The following ITPRID1 variants were observed in gnomAD, a reference collection of about 807,000 sequenced individuals.
ITPRID1 encodes ITPR interacting domain containing 1.
Under a neutral mutation model 95.4 loss-of-function variants are expected in ITPRID1, and 96 were observed. The ratio of observed to expected loss-of-function variants is 1.01; its 90% CI spans 0.85 to 1.19. The LOEUF (loss-of-function observed/expected upper bound fraction) is 1.19. ITPRID1 is among the 50% of genes most tolerant of loss of function. The pLI is 0.00. For synonymous variants in ITPRID1, 510 were observed against 453.6 expected, an observed-to-expected ratio of 1.12 and a Z score of -1.58; for missense variants, 1,339 against 1,252.9, an observed-to-expected ratio of 1.07 and a Z score of -1.04.
chr7:31,646,866 T>A (rs1790511594), intron 12 of ITPRID1, among the ~76,000 whole-genome samples: 1 of 152,166 alleles, frequency 6.6e-6, no homozygotes, highest in South Asian at 2.1e-4. Flanking sequence ...CCTCTTAGAA[T>A]TTGCAATTAT....
chr7:31,591,860 T>A (rs1785879518), intron 10 of ITPRID1, among the ~76,000 whole-genome samples: 2 of 152,190 alleles, frequency 1.3e-5, no homozygotes, highest in Non-Finnish European at 2.9e-5. Context: ...ACAAAAATGG[T>A]AGTTACTAAA....
At chr7:31,523,268 G>T (rs1487556296) in intron 1 of ITPRID1, among the ~76,000 whole-genome samples, 4 of 152,178 alleles carry the variant, frequency 2.6e-5, no homozygotes, top group Non-Finnish European at 5.9e-5. Context: ...TTTGATTCCT[G>T]TATACAGGAT....
chr7:31,586,775 T>G (rs1179797802), intron 10 of ITPRID1, among the ~76,000 whole-genome samples: 5 of 151,934 alleles, frequency 3.3e-5, no homozygotes, highest in African/African-American at 9.7e-5. Context: ...GAAAATTTTC[T>G]CCCATTTTGT....
Position 31,642,858 on chromosome 7 carries a change from G to A in ITPRID1, c.1488G>A (p.Arg496=), listed in dbSNP as rs748761961. ...SSQEANALEQ[R]ASVSVMEEEF... is the part of the protein sequence containing the mutation. ...AAGAAGCGAATGCCTTGGAACAAAG[G>A]GCCTCAGTATCTGTGATGGAGGAAG... The change falls in exon 12 of 15, where the codon AGG becomes AGA. Residue 496 remains arginine, a synonymous_variant. Coordinates refer to ENST00000615280, the MANE Select transcript of ITPRID1 (RefSeq NM_001257967.3). 6.2e-7 allele frequency: 1 copy of A among 1,613,994 alleles called. No homozygotes were observed. Among genetic ancestry groups the A allele is most frequent in the Non-Finnish European group, 8.5e-7 (1 of 1,179,888 alleles).
In ITPRID1 at chr7:31,625,142, T is replaced by C. The variant is rs1020219763; in HGVS notation, c.1229-17034T>C. Among the ~76,000 whole-genome samples, 8 of 152,090 alleles carry C rather than the reference T, an allele frequency of 5.3e-5. 1 individual carries two copies. Among genetic ancestry groups the C allele is most frequent in the African/African-American group, 2.4e-5 (1 of 41,416 alleles). ...GAAACAACAGGTGCTGGAGAGGATG[T>C]GGAGAAATAGGAACACTTTTACATT... On this transcript the variant is annotated intron_variant, in intron 10 of 14. Coordinates refer to ENST00000615280, the MANE Select transcript of ITPRID1 (RefSeq NM_001257967.3).
intron 10 of ITPRID1, among the ~76,000 whole-genome samples, chr7:31,590,987 C>T (rs1583542183): frequency 6.6e-6 from 1 of 152,166 alleles, no homozygotes. Context: ...CTGTCTAGCT[C>T]CAGAGTGTAC....
Position 31,643,865 on chromosome 7 carries a change from G to C in ITPRID1, c.2495G>C (p.Cys832Ser). ...PGPEPSVCRH[C>S]LCSLTGHQEA... is the part of the protein sequence containing the mutation. ...CCTGAACCCTCAGTCTGTAGGCACT[G>C]CCTGTGTTCACTAACTGGTCACCAG... The change falls in exon 12 of 15, where the codon TGC becomes TCC. Residue 832 changes from cysteine to serine, a missense_variant. Cys to Ser is a moderately radical substitution (Grantham distance 112, BLOSUM62 -1). Transcript: ENST00000615280. 3.1e-6 allele frequency: 5 copies of C among 1,613,910 alleles called. No homozygotes were observed. The South Asian group carries it at 3.3e-5, about 11-fold the overall frequency.
intron 10 of ITPRID1, among the ~76,000 whole-genome samples, chr7:31,606,872 A>C (rs1360623359): frequency 6.6e-6 from 1 of 152,132 alleles, no homozygotes; most frequent in Non-Finnish European, 1.5e-5. Flanking sequence ...TACTTTTTTC[A>C]AGAGGTAAAT....
At chr7:31,514,583 C>T (rs980983005) in intron 1 of ITPRID1, among the ~76,000 whole-genome samples, 1 of 152,080 alleles carries the variant, frequency 6.6e-6, no homozygotes, top group Non-Finnish European at 1.5e-5. Flanking sequence ...GAGAGTCCAG[C>T]AGGTAAGTAC....
intron 10 of ITPRID1, among the ~76,000 whole-genome samples, chr7:31,623,286 G>T (rs909593259): frequency 4.6e-5 from 7 of 152,068 alleles, no homozygotes; most frequent in African/African-American, 1.2e-4. Context: ...CCAAAGCCGG[G>T]CAGAGACACA....
intron 10 of ITPRID1, among the ~76,000 whole-genome samples, chr7:31,607,822 A>AT (rs1242336966): frequency 6.6e-6 from 1 of 151,042 alleles, no homozygotes; most frequent in East Asian, 1.9e-4. Context: ...TCATTTCTTT[A>AT]TTTTTTAGCC....
chr7:31,555,145 A>C, intron 5 of ITPRID1: 1 of 426,802 alleles, frequency 2.3e-6, no homozygotes, highest in Non-Finnish European at 4.2e-6. Context: ...GGCTCAGAGT[A>C]TAGCATAAAC....
chr7:31,615,176 C>T (rs1787087991), intron 10 of ITPRID1, among the ~76,000 whole-genome samples: 1 of 152,108 alleles, frequency 6.6e-6, no homozygotes, highest in African/African-American at 2.4e-5. Flanking sequence ...TGAACACATA[C>T]TGTAGATATT....
intron 1 of ITPRID1, among the ~76,000 whole-genome samples, chr7:31,545,045 A>C (rs1405967732): frequency 6.6e-6 from 1 of 152,126 alleles, no homozygotes; most frequent in Non-Finnish European, 1.5e-5. Flanking sequence ...GATGAAAATA[A>C]GCCTCTCAAC....
At chr7:31,615,613 ATTCT>A (rs551411856) in intron 10 of ITPRID1, among the ~76,000 whole-genome samples, 282 of 152,210 alleles carry the variant, frequency 1.9e-3, no homozygotes, top group African/African-American at 6.4e-3. Context: ...TAAAATGGAG[ATTCT>A]TTGAGTCTTA....
chr7:31,573,278 T>A (rs1284341589), intron 7 of ITPRID1, among the ~76,000 whole-genome samples: 1 of 152,166 alleles, frequency 6.6e-6, no homozygotes, highest in Non-Finnish European at 1.5e-5. Flanking sequence ...TTGGCTCGAT[T>A]GAATATTTCT....
chr7:31,617,302 TCAA>T (rs1177831861), intron 10 of ITPRID1, among the ~76,000 whole-genome samples: 2 of 152,050 alleles, frequency 1.3e-5, no homozygotes, highest in African/African-American at 4.8e-5. Flanking sequence ...AATGGGTTTC[TCAA>T]CAAGTATTTC....
Position 31,619,104 on chromosome 7 carries a change from T to C in ITPRID1, c.1229-23072T>C, listed in dbSNP as rs544620277. Among the ~76,000 whole-genome samples the C allele has an allele frequency of 2.0e-5, 3 of 152,354 alleles. No homozygotes were observed. In the South Asian group the frequency reaches 6.2e-4, roughly 32 times the overall value. The stretch of plus-strand genomic sequence containing the variant: ...TAAAGCATGGTGACATTACCTTTAA[T>C]CTGTGTATATTAGTCACAACATTTC... On this transcript the variant is annotated intron_variant, in intron 10 of 14. Transcript: ENST00000615280.
intron 10 of ITPRID1, among the ~76,000 whole-genome samples, chr7:31,635,205 G>C (rs1789366555): frequency 6.6e-6 from 1 of 152,110 alleles, no homozygotes; most frequent in Non-Finnish European, 1.5e-5. Flanking sequence ...TAATTTCTAT[G>C]ACTCTAAGGG....
Sources: gnomAD v4.1 joint callset for allele counts (sites outside exome capture counted in the v4.1 genomes callset) on GRCh38, gnomAD v4.1.1 for gene constraint, MANE v1.5 for transcripts, NCBI Gene and HGNC (gene_info 2026-07-23, HGNC 2026-07-21) for gene names.